The following PCDHA8 variants were observed in gnomAD, a reference collection of about 807,000 sequenced individuals.
The protein encoded by PCDHA8 is protocadherin alpha-8.
In PCDHA8, 53 loss-of-function variants were observed where a neutral mutation model predicts 61.8. The ratio of observed to expected loss-of-function variants is 0.86; its 90% CI spans 0.69 to 1.08. The LOEUF (loss-of-function observed/expected upper bound fraction) is 1.08, where lower values mean the gene tolerates loss of function less well. Among genes scored for constraint, PCDHA8 ranks in the 50% least tolerant of loss-of-function variants. PCDHA8 has a pLI of 0.00. For synonymous variants in PCDHA8, 618 were observed against 556.6 expected (o/e 1.11, Z -1.55); for missense variants, 1,293 against 1,245.0 (o/e 1.04, Z -0.58).
At chr5:140,878,562 T>C (rs2057643889) in intron 1 of PCDHA8, among the ~76,000 whole-genome samples, 1 of 152,210 alleles carries the variant, frequency 6.6e-6, no homozygotes, top group Non-Finnish European at 1.5e-5. Context: ...CCCAAACTTA[T>C]CATAGTATAC....
intron 1 of PCDHA8, among the ~76,000 whole-genome samples, chr5:140,923,207 A>G (rs2081229144): frequency 6.6e-6 from 1 of 152,144 alleles, no homozygotes. Flanking sequence ...TGGGAGGCTA[A>G]GGTGAAAGGA....
chr5:140,934,822 T>C (rs2090051776), intron 1 of PCDHA8, among the ~76,000 whole-genome samples: 1 of 152,218 alleles, frequency 6.6e-6, no homozygotes. Flanking sequence ...ATGCTAACTT[T>C]GGCAAGTTGG....
In PCDHA8 at chr5:140,967,342, C is replaced by G. The variant is rs149890293; in HGVS notation, c.2395-11607C>G. On this transcript the variant is annotated intron_variant, in intron 1 of 3. Coordinates refer to ENST00000531613, the MANE Select transcript of PCDHA8 (RefSeq NM_018911.3). ...CCTACGAGCTCAGCCCCAGCGAGCACTTCGAGCTGGACCTTAAGCCCCTGC... is the reference window on the plus strand; with the variant it reads ...CCTACGAGCTCAGCCCCAGCGAGCAGTTCGAGCTGGACCTTAAGCCCCTGC... The G allele has an allele frequency of 1.9e-6, 3 of 1,607,992 alleles. No individual in the cohort carries two copies. In the African/African-American group the frequency reaches 4.0e-5, roughly 22 times the overall value.
chr5:140,849,872 G>C, intron 1 of PCDHA8: 1 of 1,598,650 alleles, frequency 6.3e-7, no homozygotes, highest in Non-Finnish European at 8.6e-7. Flanking sequence ...CGCAGTCCGA[G>C]TACACGGTGT....
rs781915766 is a variant in PCDHA8, at chr5:140,869,999, G to C, written c.2394+26284G>C. Reference sequence around the variant, plus strand: ...TTATTTACACTAGATCAAAATAATGGAGAAGTGAGGGTCAATGGAACTTTA... The same window carrying C: ...TTATTTACACTAGATCAAAATAATGCAGAAGTGAGGGTCAATGGAACTTTA... On this transcript the variant is annotated intron_variant, in intron 1 of 3. Coordinates refer to ENST00000531613, the MANE Select transcript of PCDHA8 (RefSeq NM_018911.3). The C allele has an allele frequency of 3.7e-6, 6 of 1,613,396 alleles. No individual in the cohort carries two copies. In the South Asian group the frequency reaches 6.6e-5, roughly 18 times the overall value.
intron 1 of PCDHA8, chr5:140,875,832 C>A: frequency 1.2e-6 from 2 of 1,614,086 alleles, no homozygotes; most frequent in South Asian, 1.1e-5. Flanking sequence ...TCCATGTGGA[C>A]GTGGAGGTGA....
At chr5:140,878,002 C>T in intron 1 of PCDHA8, 1 of 1,005,678 alleles carries the variant, frequency 9.9e-7, no homozygotes. Flanking sequence ...ATGTATTTGT[C>T]TAACATTAAT....
rs540052499 is a variant in PCDHA8 at position 140,992,812 on chromosome 5, G to A, written c.2542+10249G>A. Among the ~76,000 whole-genome samples the A allele has an allele frequency of 2.5e-4, 38 of 152,228 alleles. No homozygotes were observed. The South Asian group carries it at 7.9e-3, about 32-fold the overall frequency. ...TTTTATGGATCCATATGTATCTAAG[G>A]ATGTGTTTGTTTTTTGGGAACATTT... is the stretch of plus-strand genomic sequence containing the variant. On this transcript the variant is annotated intron_variant, in intron 3 of 3. Transcript: ENST00000531613.
chr5:140,968,832 C>A (rs1554231147), intron 1 of PCDHA8: 1 of 1,614,200 alleles, frequency 6.2e-7, no homozygotes, highest in East Asian at 2.2e-5. Flanking sequence ...AAAATCCTCC[C>A]TGACACTCAG....
At position 140,853,506 on chromosome 5, in the gene PCDHA8, A is replaced by G. The variant is rs1198826408; in HGVS notation, c.2394+9791A>G. On this transcript the variant is annotated intron_variant, in intron 1 of 3. Transcript: ENST00000531613. ...TCAATTCAAGTTAGAATCATGAAAC[A>G]ATAATGAAGCTCCTCCTATGTCTCT... The G allele has an allele frequency of 4.1e-6, 4 of 977,436 alleles. 1 individual carries two copies. The African/African-American group carries it at 7.1e-5, about 17-fold the overall frequency. The allele number at this position is 977,436 out of a possible 1,614,324, so 60.5% of individuals were successfully genotyped here. A position where few individuals can be genotyped will look rare whatever the true frequency, so the allele number is the denominator to read the frequency against.
Position 140,841,444 on chromosome 5 carries a change from C to A in PCDHA8, c.123C>A (p.His41Gln), listed in dbSNP as rs2150315677. 7.4e-6 allele frequency: 12 copies of A among 1,612,806 alleles called. No individual in the cohort carries two copies. In the South Asian group the frequency reaches 8.8e-5, roughly 12 times the overall value. The change falls in exon 1 of 4, where the codon CAC (histidine) becomes CAA (glutamine). Residue 41 changes from histidine to glutamine, a missense_variant. Coordinates refer to ENST00000531613, the MANE Select transcript of PCDHA8 (RefSeq NM_018911.3). ...LHYSVPEEAK[H>Q]GTFVGRIAQD... is the part of the protein sequence containing the mutation. ...ACTCCGTCCCCGAGGAGGCCAAACA[C>A]GGCACCTTCGTGGGCCGGATCGCGC... is the stretch of plus-strand genomic sequence containing the variant.
intron 1 of PCDHA8, among the ~76,000 whole-genome samples, chr5:140,918,819 TG>T (rs2078870306): frequency 1.6e-5 from 1 of 61,992 alleles, no homozygotes; most frequent in Admixed American, 1.3e-4. Flanking sequence ...AACCAAAAAG[TG>T]GCCCCCTCCC....
chr5:140,850,440 G>A (rs2150484697), intron 1 of PCDHA8: 3 of 1,598,068 alleles, frequency 1.9e-6, no homozygotes, highest in South Asian at 1.1e-5. Flanking sequence ...GCGCCTACTG[G>A]TGCTGGTGAA....
chr5:140,841,353 C>A lies in PCDHA8; in HGVS notation c.32C>A (p.Ser11Tyr), dbSNP rs1777171223. Residue 11 changes from serine to tyrosine, a missense_variant, in exon 1 of 4, where the codon TCC becomes TAC. Physicochemically the swap from Ser to Tyr is moderately radical, Grantham distance 144. Transcript: ENST00000531613. The part of the protein sequence containing the change: MDYHWRGELG[S>Y]WRLLLLLLLL... Reference sequence around the variant, plus strand: ...TATCACTGGCGAGGAGAGCTGGGATCCTGGCGACTACTACTCTTGCTTCTG... The same window carrying A: ...TATCACTGGCGAGGAGAGCTGGGATACTGGCGACTACTACTCTTGCTTCTG... 1.2e-6 allele frequency: 2 copies of A among 1,612,606 alleles called. No homozygotes were observed. Among genetic ancestry groups the A allele is most frequent in the African/African-American group, 2.7e-5 (2 of 74,830 alleles).
chr5:140,874,129 GTTATC>G (rs1339746498), intron 1 of PCDHA8, among the ~76,000 whole-genome samples: 2 of 151,518 alleles, frequency 1.3e-5, no homozygotes, highest in Non-Finnish European at 2.9e-5. Flanking sequence ...GTTTATTTAA[GTTATC>G]TTATACTTGT....
At chr5:140,864,765 T>C (rs1345308303) in intron 1 of PCDHA8, 1 of 152,222 alleles carries the variant, frequency 6.6e-6, no homozygotes, top group Non-Finnish European at 1.5e-5. Context: ...TTTCTTTCAT[T>C]TTTGGTACCT....
intron 1 of PCDHA8, chr5:140,871,169 A>AG: frequency 6.2e-7 from 1 of 1,613,520 alleles, no homozygotes; most frequent in Non-Finnish European, 8.5e-7. Flanking sequence ...GCGAGCCCAG[A>AG]GGCTGCGCTG....
intron 1 of PCDHA8, among the ~76,000 whole-genome samples, chr5:140,952,745 A>G (rs1554220592): frequency 6.6e-6 from 1 of 152,220 alleles, no homozygotes; most frequent in African/African-American, 2.4e-5. Context: ...TCACACTGCT[A>G]TAAAAACACC....
In PCDHA8 at chr5:141,009,668, G is replaced by A. The variant is rs782068657; in HGVS notation, c.2584G>A (p.Val862Ile). The change falls in exon 4 of 4, where the codon GTC becomes ATC. Residue 862 changes from valine (V) to isoleucine (I), a missense_variant. Transcript: ENST00000531613. ...AGTGTCCCCTCCAGTCGGTGCGGGTGTCAACAGCAACAGCTGGACCTTTAA... is the reference window on the plus strand; with the variant it reads ...AGTGTCCCCTCCAGTCGGTGCGGGTATCAACAGCAACAGCTGGACCTTTAA... ...GEVSPPVGAG[V>I]NSNSWTFKYG... The A allele has an allele frequency of 1.2e-6, 2 of 1,614,108 alleles. No individual in the cohort carries two copies. Among genetic ancestry groups the A allele is most frequent in the Non-Finnish European group, 1.7e-6 (2 of 1,180,018 alleles).
Sources: allele counts gnomAD v4.1 joint callset (sites outside exome capture counted in the v4.1 genomes callset), GRCh38; gene constraint gnomAD v4.1.1; transcripts MANE v1.5; gene names NCBI Gene and HGNC (gene_info 2026-07-23, HGNC 2026-07-21).